PACRGL: variants seen among roughly 807,000 people sequenced by gnomAD.
PACRGL encodes the protein PACRG-like protein.
A neutral mutation model predicts 34.5 loss-of-function variants in PACRGL; 38 were observed. The ratio of observed to expected loss-of-function variants is 1.10; its 90% confidence interval spans 0.85 to 1.44. The LOEUF (loss-of-function observed/expected upper bound fraction) is 1.44. Ranked by LOEUF, PACRGL falls within the 40% of genes most tolerant of loss-of-function variation. The pLI is 0.00. For missense variants in PACRGL, 305 were observed against 281.4 expected (o/e 1.08, Z -0.60); for synonymous variants, 128 against 100.1 (o/e 1.28, Z -1.66).
intron 8 of PACRGL, among the ~76,000 whole-genome samples, chr4:20,738,949 C>G (rs753973603): frequency 6.6e-6 from 1 of 152,196 alleles, no homozygotes; most frequent in Admixed American, 6.5e-5. Flanking sequence ...TATACTGCAC[C>G]TGGCTCAGAG....
intron 8 of PACRGL, among the ~76,000 whole-genome samples, chr4:20,741,636 ACC>A (rs1296152483): frequency 1.3e-5 from 2 of 152,186 alleles, no homozygotes; most frequent in Admixed American, 1.3e-4. Flanking sequence ...TAAAATCAAC[ACC>A]CTAACATCAC....
intron 8 of PACRGL, among the ~76,000 whole-genome samples, chr4:20,746,205 G>T (rs967402020): frequency 1.3e-5 from 2 of 152,050 alleles, no homozygotes; most frequent in Admixed American, 1.3e-4. Flanking sequence ...CCATAAAAAA[G>T]GATGAGTTCA....
exon 9 of PACRGL, chr4:20,752,802 A>G (rs1753879528): frequency 6.6e-6 from 1 of 152,238 alleles, no homozygotes; most frequent in South Asian, 2.1e-4. Flanking sequence ...AAAACTGGAT[A>G]AAATGACGAA....
chr4:20,744,231 C>G (rs1174499439), intron 8 of PACRGL, among the ~76,000 whole-genome samples: 4 of 152,170 alleles, frequency 2.6e-5, no homozygotes, highest in Admixed American at 6.5e-5. Flanking sequence ...ACTAGAAATA[C>G]CATTTGACCC....
upstream of PACRGL, among the ~76,000 whole-genome samples, chr4:20,697,964 A>G (rs1220079867): frequency 6.6e-6 from 1 of 152,164 alleles, no homozygotes; most frequent in Non-Finnish European, 1.5e-5. Flanking sequence ...TGAATTTTGG[A>G]GGAACAGAAA....
chr4:20,722,558 C>G (rs1743835241), intron 7 of PACRGL, among the ~76,000 whole-genome samples: 1 of 152,208 alleles, frequency 6.6e-6, no homozygotes, highest in African/African-American at 2.4e-5. Context: ...TCATGTGAGC[C>G]TTAGTGTCCA....
chr4:20,697,366 G>A (rs1349674878), upstream of PACRGL, among the ~76,000 whole-genome samples: 2 of 152,054 alleles, frequency 1.3e-5, no homozygotes, highest in Non-Finnish European at 2.9e-5. Flanking sequence ...TGACTTAAAT[G>A]TAAGTAAATA....
intron 7 of PACRGL, among the ~76,000 whole-genome samples, chr4:20,721,932 A>T (rs949153448): frequency 1.3e-5 from 2 of 152,220 alleles, no homozygotes; most frequent in African/African-American, 4.8e-5. Context: ...GGTGGAGTCT[A>T]CAGAGGCAGG....
downstream of PACRGL, among the ~76,000 whole-genome samples, chr4:20,735,529 T>A (rs200697422): frequency 2.3e-5 from 2 of 87,190 alleles, no homozygotes; most frequent in South Asian, 8.5e-4. Context: ...TTTTTTTTTT[T>A]GTTTTTTTTT....
chr4:20,719,869 A>G (rs536626478), intron 7 of PACRGL, among the ~76,000 whole-genome samples: 1 of 152,100 alleles, frequency 6.6e-6, no homozygotes, highest in African/African-American at 2.4e-5. Context: ...AGGTGAGTTC[A>G]ATTCCTGGGT....
downstream of PACRGL, among the ~76,000 whole-genome samples, chr4:20,733,534 G>C (rs1014135302): frequency 6.6e-6 from 1 of 152,098 alleles, no homozygotes; most frequent in African/African-American, 2.4e-5. Context: ...ATAAATGATA[G>C]AGTAATTTGT....
At chr4:20,722,805 A>C (rs1578312523) in intron 7 of PACRGL, among the ~76,000 whole-genome samples, 1 of 152,318 alleles carries the variant, frequency 6.6e-6, no homozygotes, top group Middle Eastern at 3.4e-3. Context: ...CAAGGGCCAA[A>C]CTTTAGGCAA....
chr4:20,764,820 A>G, the PACRGL span, among the ~76,000 whole-genome samples: 1 of 151,832 alleles, frequency 6.6e-6, no homozygotes, highest in African/African-American at 2.4e-5. Context: ...GCATAAAGCA[A>G]TTTGCCTGTT....
chr4:20,745,184 T>A (rs902933355), intron 8 of PACRGL, among the ~76,000 whole-genome samples: 1 of 151,920 alleles, frequency 6.6e-6, no homozygotes, highest in African/African-American at 2.4e-5. Flanking sequence ...ATCTCTGGCC[T>A]TTTTGTTGCT....
At chr4:20,721,390 G>A (rs973136587) in intron 7 of PACRGL, among the ~76,000 whole-genome samples, 4 of 152,104 alleles carry the variant, frequency 2.6e-5, no homozygotes, top group African/African-American at 9.7e-5. Context: ...CTTTGGAGGG[G>A]GAGAGGCGCT....
rs1402952254 is a variant in PACRGL, at chr4:20,729,928, TCTTTTGGGGATTG to T, written c.*2592_*2604del. On this transcript the variant is annotated 3_prime_UTR_variant, in exon 9 of 9. Coordinates refer to ENST00000503585, the MANE Select transcript of PACRGL (RefSeq NM_001258345.3). ...GCAAATTTATAACTGAAAGCTCAAA[TCTTTTGGGGATTG>T]CTTTATATTAAAACAAAGCTTGTTT... is the stretch of plus-strand genomic sequence containing the variant. 1.2e-6 allele frequency: 1 copy of T among 820,032 alleles called. No homozygotes were observed. Among genetic ancestry groups the T allele is most frequent in the African/African-American group, 1.8e-5 (1 of 56,410 alleles). The allele number at this position is 820,032 out of a possible 1,614,324, so 50.8% of individuals were successfully genotyped here. A position where few individuals can be genotyped will look rare whatever the true frequency, so the allele number is the denominator to read the frequency against.
At chr4:20,766,408 A>T in the PACRGL span, among the ~76,000 whole-genome samples, 15 of 152,304 alleles carry the variant, frequency 9.8e-5, no homozygotes, top group Admixed American at 9.2e-4. Flanking sequence ...TGTACTAAAA[A>T]TACAAAAATT....
At chr4:20,756,949 C>T (rs117558491), downstream of PACRGL, among the ~76,000 whole-genome samples, 27 of 152,124 alleles carry the variant, frequency 1.8e-4, no homozygotes, top group East Asian at 5.1e-3. Flanking sequence ...ATGGATTTAA[C>T]CACTACTTCT....
At chr4:20,696,551 A>T (rs1195423111), upstream of PACRGL, 5 of 152,250 alleles carry the variant, frequency 3.3e-5, no homozygotes, top group African/African-American at 1.2e-4. Flanking sequence ...TACTACTATG[A>T]ACCATAAAGG....
Sources: gnomAD v4.1 joint callset for allele counts (sites outside exome capture counted in the v4.1 genomes callset) on GRCh38, gnomAD v4.1.1 for gene constraint, MANE v1.5 for transcripts, NCBI Gene and HGNC (gene_info 2026-07-23, HGNC 2026-07-21) for gene names.